Variants in PARD3B observed in about 807,000 individuals in gnomAD.
The protein encoded by PARD3B is par-3 family cell polarity regulator beta, also known as partitioning defective 3 homolog B.
PARD3B carries 103 observed loss-of-function variants against 130.2 expected under a neutral mutation model. The observed-to-expected ratio is 0.79, with a 90% confidence interval of 0.67 to 0.93. The LOEUF is 0.93. Ranked by LOEUF, PARD3B falls within the 40% of genes least tolerant of loss-of-function variation. The probability of loss-of-function intolerance (pLI) is 0.00; values close to 1 mark genes in which losing one functional copy is unlikely to be tolerated. For missense variants in PARD3B, 1,609 were observed against 1,499.2 expected (o/e 1.07, Z -1.21); for synonymous variants, 583 against 553.2 (o/e 1.05, Z -0.76).
chr2:205,328,471 A>C (rs1395957184), intron 18 of PARD3B, among the ~76,000 whole-genome samples: 1 of 152,148 alleles, frequency 6.6e-6, no homozygotes, highest in Non-Finnish European at 1.5e-5. Context: ...TATCAGTACA[A>C]AATTATCAGA....
intron 21 of PARD3B, among the ~76,000 whole-genome samples, chr2:205,534,706 T>C (rs1384113143): frequency 6.6e-6 from 1 of 152,176 alleles, no homozygotes; most frequent in Admixed American, 6.5e-5. Context: ...TGACCTCAAG[T>C]GATCCACCCA....
At chr2:205,420,426 G>C (rs1239200758) in intron 19 of PARD3B, among the ~76,000 whole-genome samples, 1 of 152,076 alleles carries the variant, frequency 6.6e-6, no homozygotes, top group East Asian at 1.9e-4. Context: ...ATTTGTCCGT[G>C]GTACAAAATT....
Position 204,656,931 on chromosome 2 carries a change from T to C in PARD3B, c.121-29250T>C, listed in dbSNP as rs76639800. ...CTTTGTGTTCTAGGCACAGTTGTAA[T>C]GTTCTGAAGTCACAATCTGAGCCAT... On this transcript the variant is annotated intron_variant, in intron 1 of 22. Transcript: ENST00000406610. Among the ~76,000 whole-genome samples, 9 of 152,326 alleles carry C rather than the reference T, an allele frequency of 5.9e-5. No homozygotes were observed. In the East Asian group the frequency reaches 1.7e-3, roughly 29 times the overall value.
intron 21 of PARD3B, among the ~76,000 whole-genome samples, chr2:205,512,048 C>T (rs1212167815): frequency 6.6e-6 from 1 of 152,162 alleles, no homozygotes; most frequent in African/African-American, 2.4e-5. Flanking sequence ...AGACAGAAAG[C>T]ACACTTGAAT....
chr2:205,378,381 G>A (rs947186179), intron 18 of PARD3B, among the ~76,000 whole-genome samples: 33 of 152,158 alleles, frequency 2.2e-4, no homozygotes, highest in African/African-American at 7.7e-4. Context: ...CCTGTTGTCA[G>A]CCACCTCCCT....
chr2:204,963,975 A>ATT (rs1327789557), intron 2 of PARD3B, among the ~76,000 whole-genome samples: 1 of 152,220 alleles, frequency 6.6e-6, no homozygotes, highest in Non-Finnish European at 1.5e-5. Context: ...CTTTTGAAAG[A>ATT]TCGAACTTGA....
intron 11 of PARD3B, among the ~76,000 whole-genome samples, chr2:205,164,076 A>G (rs2034662837): frequency 1.3e-5 from 2 of 152,344 alleles, no homozygotes; most frequent in South Asian, 4.1e-4. Context: ...TAAGGACTTT[A>G]AAAGCAGGAA....
chr2:204,629,334 C>T (rs147328525), intron 1 of PARD3B, among the ~76,000 whole-genome samples: 1 of 152,288 alleles, frequency 6.6e-6, no homozygotes, highest in Non-Finnish European at 1.5e-5. Flanking sequence ...ACATACCGTG[C>T]TCCTGCAGTG....
intron 15 of PARD3B, among the ~76,000 whole-genome samples, chr2:205,216,683 A>T (rs1004661679): frequency 6.6e-6 from 1 of 152,148 alleles, no homozygotes; most frequent in African/African-American, 2.4e-5. Flanking sequence ...GACAAATAAG[A>T]ATATTTATGG....
intron 4 of PARD3B, 110 bp from the exon 5 acceptor site, chr2:205,104,316 C>T (rs1162201707): frequency 4.3e-6 from 3 of 701,150 alleles, no homozygotes; most frequent in Non-Finnish European, 7.5e-6. Context: ...TTAGAGCATA[C>T]TGTATATATC....
chr2:205,013,494 C>T (rs915375449), intron 3 of PARD3B, among the ~76,000 whole-genome samples: 3 of 152,122 alleles, frequency 2.0e-5, no homozygotes, highest in Non-Finnish European at 4.4e-5. Flanking sequence ...AACCTCTACA[C>T]TATTGATGCT....
In PARD3B at chr2:205,478,335, C is replaced by G. The variant is rs12619416; in HGVS notation, c.3045-21561C>G. Among the ~76,000 whole-genome samples the G allele has an allele frequency of 5.1e-3, 782 of 152,260 alleles. 21 individuals are homozygous for G. Among genetic ancestry groups the G allele is most frequent in the East Asian group, 0.033 (170 of 5,168 alleles). ...TTCCTTTACTAGGCCCAACCAGTTTCTCCTGAAAATATTAATGAGAGCACT... is the reference window on the plus strand; with the variant it reads ...TTCCTTTACTAGGCCCAACCAGTTTGTCCTGAAAATATTAATGAGAGCACT... On this transcript the variant is annotated intron_variant, in intron 20 of 22. Transcript: ENST00000406610.
chr2:204,558,388 C>T (rs2031074917), intron 1 of PARD3B, among the ~76,000 whole-genome samples: 1 of 152,166 alleles, frequency 6.6e-6, no homozygotes, highest in Non-Finnish European at 1.5e-5. Context: ...CATAAGCATT[C>T]CTATACACCA....
chr2:205,519,897 C>T (rs1034637814), intron 21 of PARD3B, among the ~76,000 whole-genome samples: 3 of 152,086 alleles, frequency 2.0e-5, no homozygotes, highest in African/African-American at 7.2e-5. Context: ...GTAGGTGGCA[C>T]TTAGGCTTAT....
At chr2:204,596,917 A>ACG (rs1553548482) in intron 1 of PARD3B, among the ~76,000 whole-genome samples, 136 of 125,242 alleles carry the variant, frequency 1.1e-3, no homozygotes, top group South Asian at 8.0e-3. Flanking sequence ...AAACTCACTC[A>ACG]CTCTCTCTCT....
intron 3 of PARD3B, among the ~76,000 whole-genome samples, chr2:204,990,914 C>T (rs916399958): frequency 6.6e-6 from 1 of 152,096 alleles, no homozygotes; most frequent in Non-Finnish European, 1.5e-5. Context: ...AGGGGTACAG[C>T]TTTTCCACCA....
chr2:204,800,376 A>G (rs1480877233), intron 2 of PARD3B, among the ~76,000 whole-genome samples: 2 of 152,176 alleles, frequency 1.3e-5, no homozygotes, highest in Admixed American at 1.3e-4. Flanking sequence ...TATAAGATCT[A>G]GAAAGTCGCC....
In PARD3B at chr2:204,678,021, C is replaced by T. The variant is rs2125225478; in HGVS notation, c.121-8160C>T. Among the ~76,000 whole-genome samples, 1 of 152,312 alleles carries T rather than the reference C, an allele frequency of 6.6e-6. No homozygotes were observed. The highest frequency in any genetic ancestry group is 2.4e-5 in the African/African-American group (1 of 41,566). On this transcript the variant is annotated intron_variant, in intron 1 of 22. Transcript: ENST00000406610. The surrounding 1 kb of genome is among the most constrained non-coding windows in gnomAD (Gnocchi z 4.2). ...TTTTTGGAAGCAAAGATATTATTTT[C>T]ATTTTTATGTAAATACCTTGGAAGT...
intron 2 of PARD3B, among the ~76,000 whole-genome samples, chr2:204,748,713 C>T (rs2040345620): frequency 1.3e-5 from 2 of 152,206 alleles, no homozygotes; most frequent in Middle Eastern, 3.4e-3. Flanking sequence ...AAGTTCCTAA[C>T]TGATATTGAT....
Sources: allele counts gnomAD v4.1 joint callset (sites outside exome capture counted in the v4.1 genomes callset), GRCh38; gene constraint gnomAD v4.1.1; non-coding constraint Gnocchi (gnomAD v3.1); transcripts MANE v1.5; gene names NCBI Gene and HGNC (gene_info 2026-07-23, HGNC 2026-07-21).